PDE7B: variants seen among roughly 807,000 people sequenced by gnomAD.
PDE7B encodes the protein phosphodiesterase 7B.
In PDE7B, 29 loss-of-function variants were observed where a neutral mutation model predicts 56.2. That is an observed-to-expected ratio of 0.52 (90% CI 0.38 to 0.70). The LOEUF (loss-of-function observed/expected upper bound fraction) is 0.70. Among genes scored for constraint, PDE7B ranks in the 30% least tolerant of loss-of-function variants. The pLI is 0.00. For missense variants in PDE7B, 490 were observed against 565.0 expected, an observed-to-expected ratio of 0.87 and a Z score of 1.35; for synonymous variants, 197 against 196.9, an observed-to-expected ratio of 1.00 and a Z score of 0.00.
At chr6:136,134,569 A>T (rs1219684718) in intron 3 of PDE7B, among the ~76,000 whole-genome samples, 1 of 151,472 alleles carries the variant, frequency 6.6e-6, no homozygotes, top group South Asian at 2.1e-4. Context: ...ATTTCATTCA[A>T]ACTGGGATTT....
chr6:136,099,291 A>T (rs1777522691), intron 2 of PDE7B, among the ~76,000 whole-genome samples: 1 of 152,220 alleles, frequency 6.6e-6, no homozygotes, highest in African/African-American at 2.4e-5. Context: ...GTATATACCC[A>T]GTAATGGGAT....
At chr6:135,947,423 T>A (rs1774612982) in intron 1 of PDE7B, 41 bp from the exon 2 acceptor site, 2 of 1,446,438 alleles carry the variant, frequency 1.4e-6, no homozygotes, top group South Asian at 2.3e-5. Flanking sequence ...GGAATCTTGA[T>A]ATGAAATCTT....
At chr6:135,929,813 C>T (rs895435946) in intron 1 of PDE7B, among the ~76,000 whole-genome samples, 2 of 152,048 alleles carry the variant, frequency 1.3e-5, no homozygotes, top group Admixed American at 1.3e-4. Context: ...TCCAGGAGGA[C>T]CAGGTGATAC....
At chr6:136,018,353 A>G (rs1776013963) in intron 2 of PDE7B, among the ~76,000 whole-genome samples, 1 of 152,208 alleles carries the variant, frequency 6.6e-6, no homozygotes, top group African/African-American at 2.4e-5. Context: ...AGACAGACTG[A>G]TTTTCCTTTT....
At chr6:135,887,466 G>A (rs1775730085) in intron 1 of PDE7B, among the ~76,000 whole-genome samples, 1 of 151,994 alleles carries the variant, frequency 6.6e-6, no homozygotes, top group Non-Finnish European at 1.5e-5. Flanking sequence ...GAATATGAAA[G>A]GATCTGCTTA....
chr6:136,140,458 T>C (rs1031803333), intron 3 of PDE7B, among the ~76,000 whole-genome samples: 1 of 152,224 alleles, frequency 6.6e-6, no homozygotes, highest in Admixed American at 6.5e-5. Context: ...ATGCAGGCTC[T>C]TTTTTGGTTC....
intron 2 of PDE7B, among the ~76,000 whole-genome samples, chr6:135,980,294 G>C (rs1305407353): frequency 6.6e-6 from 1 of 152,132 alleles, no homozygotes; most frequent in East Asian, 1.9e-4. Flanking sequence ...ATCAATTCAA[G>C]ATGGATTAAA....
chr6:136,037,446 G>C (rs556414645), intron 2 of PDE7B: 1 of 985,290 alleles, frequency 1.0e-6, no homozygotes, highest in Non-Finnish European at 1.2e-6. Flanking sequence ...TGACACAAGG[G>C]GGAGGGATGT....
intron 1 of PDE7B, 120 bp downstream of exon 1, chr6:135,852,139 G>A: frequency 1.3e-6 from 1 of 741,140 alleles, no homozygotes; most frequent in Non-Finnish European, 2.4e-6. Context: ...GTCTGTGATT[G>A]TTACTACAGC....
rs534136141 is a variant in PDE7B, at chr6:136,041,324, G to A, written c.83-67407G>A. ...CTGAGATTTGGCTAAGGTAATAAAA[G>A]GAGAGAATAAAAAAAATATGGGAAC... On this transcript the variant is annotated intron_variant, in intron 2 of 12. Transcript: ENST00000308191. Among the ~76,000 whole-genome samples, 6 of 152,050 alleles carry A rather than the reference G, an allele frequency of 3.9e-5. No homozygotes were observed. In the East Asian group the frequency reaches 1.2e-3, roughly 30 times the overall value.
At chr6:136,004,366 G>A (rs1462249304) in intron 2 of PDE7B, among the ~76,000 whole-genome samples, 1 of 152,010 alleles carries the variant, frequency 6.6e-6, no homozygotes. Flanking sequence ...AATTAGGCAG[G>A]AGAAGGAAAT....
intron 3 of PDE7B, among the ~76,000 whole-genome samples, chr6:136,143,655 TTTG>T (rs1427259878): frequency 1.3e-5 from 2 of 152,234 alleles, no homozygotes; most frequent in East Asian, 3.9e-4. Context: ...TGTTTTCTTC[TTTG>T]TTGTAAAGAT....
chr6:136,010,830 T>C (rs1775879325), intron 2 of PDE7B, among the ~76,000 whole-genome samples: 1 of 152,132 alleles, frequency 6.6e-6, no homozygotes, highest in Admixed American at 6.5e-5. Context: ...ACCATAGTCC[T>C]GGTTCCAGGG....
chr6:136,058,019 G>A (rs1776768818), intron 2 of PDE7B, among the ~76,000 whole-genome samples: 1 of 152,162 alleles, frequency 6.6e-6, no homozygotes. Context: ...TTACAGGCAT[G>A]AGGCACTGCG....
At chr6:136,159,711 G>A (rs1353815490) in intron 8 of PDE7B, among the ~76,000 whole-genome samples, 3 of 152,240 alleles carry the variant, frequency 2.0e-5, no homozygotes, top group African/African-American at 7.2e-5. Flanking sequence ...CACAGACAAT[G>A]TTCCTGTTGT....
At chr6:135,923,723 A>G (rs1774133590) in intron 1 of PDE7B, among the ~76,000 whole-genome samples, 1 of 152,222 alleles carries the variant, frequency 6.6e-6, no homozygotes, top group South Asian at 2.1e-4. Context: ...AAACTTGACA[A>G]CATAAAAATG....
At position 136,157,660 on chromosome 6, in the gene PDE7B, C is replaced by G. The variant is rs544018978; in HGVS notation, c.711+1902C>G. Among the ~76,000 whole-genome samples the G allele has an allele frequency of 2.6e-5, 4 of 152,044 alleles. 1 individual carries two copies. The South Asian group carries it at 8.3e-4, about 32-fold the overall frequency. The stretch of plus-strand genomic sequence containing the variant: ...ATACTTTAAAGTATTTAGCTACAAA[C>G]AAATGTGATGGGAAGATGGGGGAAG... On this transcript the variant is annotated intron_variant, in intron 8 of 12. Coordinates refer to ENST00000308191, the MANE Select transcript of PDE7B (RefSeq NM_018945.4).
chr6:136,033,584 T>C (rs1313292376), intron 2 of PDE7B, among the ~76,000 whole-genome samples: 2 of 152,152 alleles, frequency 1.3e-5, no homozygotes, highest in African/African-American at 2.4e-5. Context: ...CTCCTCCTAC[T>C]TCGCCCCACC....
At chr6:136,071,979 G>T (rs1167629048) in intron 2 of PDE7B, among the ~76,000 whole-genome samples, 1 of 151,968 alleles carries the variant, frequency 6.6e-6, no homozygotes, top group Non-Finnish European at 1.5e-5. Flanking sequence ...CATCTATTAT[G>T]TTTTAAGAAT....
Sources: allele counts gnomAD v4.1 joint callset (sites outside exome capture counted in the v4.1 genomes callset), GRCh38; gene constraint gnomAD v4.1.1; transcripts MANE v1.5; gene names NCBI Gene and HGNC (gene_info 2026-07-23, HGNC 2026-07-21).